ILRUN: variants seen among roughly 807,000 people sequenced by gnomAD.
The protein encoded by ILRUN is inflammation and lipid regulator with UBA-like and NBR1-like domains.
Under a neutral mutation model 33.8 loss-of-function variants are expected in ILRUN, and 3 were observed. That is an observed-to-expected ratio of 0.09 (90% confidence interval 0.04 to 0.23). The LOEUF (loss-of-function observed/expected upper bound fraction) is 0.23. Among genes scored for constraint, ILRUN ranks in the 10% least tolerant of loss-of-function variants. ILRUN has a pLI of 1.00. For synonymous variants in ILRUN, 124 were observed against 138.9 expected (o/e 0.89, Z 0.75); for missense variants, 210 against 375.1 (o/e 0.56, Z 3.64).
At chr6:34,613,061 A>G (rs936532441) in intron 3 of ILRUN, among the ~76,000 whole-genome samples, 1 of 151,636 alleles carries the variant, frequency 6.6e-6, no homozygotes, top group Non-Finnish European at 1.5e-5. Flanking sequence ...AAAAAAAAAA[A>G]TTTGTTACAT....
chr6:34,647,987 T>C (rs897076198), intron 2 of ILRUN, among the ~76,000 whole-genome samples: 3 of 152,216 alleles, frequency 2.0e-5, no homozygotes, highest in African/African-American at 7.2e-5. Flanking sequence ...GCATGAGCCA[T>C]GGCGCCCAGC....
chr6:34,653,132 CAAAA>C lies in ILRUN; in HGVS notation c.313+1489_313+1492del, dbSNP rs947213125. Among the ~76,000 whole-genome samples the C allele has an allele frequency of 5.8e-5, 3 of 51,578 alleles. No homozygotes were observed. In the Admixed American group the frequency reaches 6.0e-4, roughly 10 times the overall value. The allele number at this position is 51,578 out of a possible 152,430, so 33.8% of individuals were successfully genotyped here. ...TGGGTGACAGAGTGAGACCTTGTCT[CAAAA>C]AAAAAAAAAAAAAAAGAAAAAGAAA... On this transcript the variant is annotated intron_variant, in intron 2 of 4. Transcript: ENST00000374023.
At chr6:34,675,131 A>C (rs1249042997) in intron 1 of ILRUN, among the ~76,000 whole-genome samples, 1 of 152,070 alleles carries the variant, frequency 6.6e-6, no homozygotes, top group Admixed American at 6.6e-5. Flanking sequence ...AAATGCAAAA[A>C]TCAGCCAGGC....
chr6:34,647,897 C>G (rs970999186), intron 2 of ILRUN, among the ~76,000 whole-genome samples: 15 of 152,310 alleles, frequency 9.8e-5, no homozygotes, highest in East Asian at 7.7e-4. Flanking sequence ...TGGGGTTTCA[C>G]CATGTTGGCC....
intron 1 of ILRUN, among the ~76,000 whole-genome samples, chr6:34,659,787 A>G (rs1245166924): frequency 2.6e-5 from 4 of 151,544 alleles, no homozygotes; most frequent in Non-Finnish European, 5.9e-5. Context: ...ACGCTCGGCT[A>G]ATTTTGTATT....
intron 3 of ILRUN, among the ~76,000 whole-genome samples, chr6:34,632,112 A>G (rs1182424694): frequency 6.6e-6 from 1 of 152,212 alleles, no homozygotes; most frequent in African/African-American, 2.4e-5. Context: ...CTTTTAATAC[A>G]TGGATTTTAA....
In ILRUN at chr6:34,676,417, C is replaced by CAGATAGATATAGCTAGCTAGCTAGCT. The variant is rs1562029020; in HGVS notation, c.158+20003_158+20028dup. ...CTTTCTCTCTCTCCATTTATATGTA[C>CAGATAGATATAGCTAGCTAGCTAGCT]AGATAGATATAGCTAGCTAGCTAGC... is the stretch of plus-strand genomic sequence containing the variant. On this transcript the variant is annotated intron_variant, in intron 1 of 4. Coordinates refer to ENST00000374023, the MANE Select transcript of ILRUN (RefSeq NM_024294.4). Among the ~76,000 whole-genome samples the CAGATAGATATAGCTAGCTAGCTAGCT allele has an allele frequency of 1.7e-4, 24 of 142,658 alleles. No homozygotes were observed. In the South Asian group the frequency reaches 2.4e-3, roughly 14 times the overall value. 93.6% of individuals were successfully genotyped at this position (142,658 alleles called of 152,430 possible). A position where few individuals can be genotyped will look rare whatever the true frequency, so the allele number is the denominator to read the frequency against.
intron 3 of ILRUN, among the ~76,000 whole-genome samples, chr6:34,643,392 A>G (rs1762510877): frequency 6.6e-6 from 1 of 152,078 alleles, no homozygotes; most frequent in African/African-American, 2.4e-5. Flanking sequence ...CACTATGACA[A>G]TGCTCCTGCT....
intron 3 of ILRUN, among the ~76,000 whole-genome samples, chr6:34,625,846 C>CTTTTTTT (rs58219612): frequency 4.4e-5 from 5 of 114,250 alleles, no homozygotes; most frequent in Non-Finnish European, 8.7e-5. Flanking sequence ...TATTGAAAGG[C>CTTTTTTT]TTTTTTTTTT....
intron 1 of ILRUN, among the ~76,000 whole-genome samples, chr6:34,674,337 T>C (rs1763183787): frequency 6.6e-6 from 1 of 152,192 alleles, no homozygotes; most frequent in Non-Finnish European, 1.5e-5. Flanking sequence ...CCCAAATCTT[T>C]ATACTATCGA....
chr6:34,688,323 G>A (rs1763571022), intron 1 of ILRUN, among the ~76,000 whole-genome samples: 1 of 150,010 alleles, frequency 6.7e-6, no homozygotes, highest in South Asian at 2.1e-4. Context: ...AGGATGGATT[G>A]AGCCCAGGAG....
At chr6:34,683,133 C>T (rs779823054) in intron 1 of ILRUN, among the ~76,000 whole-genome samples, 26 of 146,232 alleles carry the variant, frequency 1.8e-4, no homozygotes, top group Admixed American at 3.4e-4. Flanking sequence ...TATATATATA[C>T]ACACACACAC....
chr6:34,626,635 T>C (rs901525108), intron 3 of ILRUN, among the ~76,000 whole-genome samples: 2 of 152,184 alleles, frequency 1.3e-5, no homozygotes, highest in Admixed American at 6.5e-5. Context: ...CAAAAGTCAA[T>C]AGTTTATGTT....
chr6:34,643,063 A>C (rs1017914914), intron 3 of ILRUN, among the ~76,000 whole-genome samples: 1 of 152,048 alleles, frequency 6.6e-6, no homozygotes, highest in Non-Finnish European at 1.5e-5. Flanking sequence ...TGGGAGGCCA[A>C]GGTGGGCAGA....
At chr6:34,691,607 C>A (rs1033653855) in intron 1 of ILRUN, among the ~76,000 whole-genome samples, 2 of 152,106 alleles carry the variant, frequency 1.3e-5, no homozygotes, top group African/African-American at 4.8e-5. Context: ...CCAGCCTGGA[C>A]AAACATGGTA....
At chr6:34,635,612 CTTTTTTTTTTT>C (rs778064465) in intron 3 of ILRUN, among the ~76,000 whole-genome samples, 38 of 104,574 alleles carry the variant, frequency 3.6e-4, no homozygotes, top group Non-Finnish European at 2.8e-4. Context: ...TCTTAGAAAG[CTTTTTTTTTTT>C]TTTTTTTTTG....
chr6:34,660,880 A>G (rs906191463), intron 1 of ILRUN, among the ~76,000 whole-genome samples: 2 of 152,246 alleles, frequency 1.3e-5, no homozygotes, highest in Non-Finnish European at 2.9e-5. Flanking sequence ...GGCTAAAGGC[A>G]ACGGTCAATA....
intron 1 of ILRUN, among the ~76,000 whole-genome samples, chr6:34,683,491 T>C (rs1002094077): frequency 1.8e-4 from 17 of 92,896 alleles, no homozygotes; most frequent in African/African-American, 6.5e-4. Flanking sequence ...TATATACATA[T>C]ATATATACAT....
At chr6:34,599,127 A>G (rs1405612761) in intron 4 of ILRUN, among the ~76,000 whole-genome samples, 2 of 152,228 alleles carry the variant, frequency 1.3e-5, no homozygotes, top group South Asian at 4.1e-4. Flanking sequence ...TGTGGTCTAG[A>G]ACATTAGACT....
Sources: allele counts gnomAD v4.1 joint callset (sites outside exome capture counted in the v4.1 genomes callset), GRCh38; gene constraint gnomAD v4.1.1; transcripts MANE v1.5; gene names NCBI Gene and HGNC (gene_info 2026-07-23, HGNC 2026-07-21).